Variants in CDH17 observed in about 807,000 individuals in gnomAD.
The protein encoded by CDH17 is cadherin 17.
Under a neutral mutation model 86.3 loss-of-function variants are expected in CDH17, and 67 were observed. That is an observed-to-expected ratio of 0.78 (90% confidence interval 0.64 to 0.95). The LOEUF (loss-of-function observed/expected upper bound fraction) is 0.95, where lower values mean the gene tolerates loss of function less well. CDH17 is among the 40% of genes least tolerant of loss of function. The pLI is 0.00. For synonymous variants in CDH17, 367 were observed against 366.4 expected (o/e 1.00, Z -0.02); for missense variants, 993 against 1,017.6 (o/e 0.98, Z 0.33).
At position 94,145,850 on chromosome 8, in the gene CDH17, C is replaced by T. The variant is rs540692771; in HGVS notation, c.2167+78G>A. 497 of 1,484,656 alleles carry T rather than the reference C, an allele frequency of 3.3e-4. 1 individual carries two copies. The highest frequency in any genetic ancestry group is 7.0e-4 in the East Asian group (31 of 44,188). The allele number at this position is 1,484,656 out of a possible 1,614,324, so 92.0% of individuals were successfully genotyped here. A position where few individuals can be genotyped will look rare whatever the true frequency, so the allele number is the denominator to read the frequency against. On this transcript the variant is annotated intron_variant, in intron 15 of 17. Transcript: ENST00000027335. ...ATGAAAGAAAGCTCTTTGCTGAGTA[C>T]AGCAAACCCACCAAGTTAAATAAAA...
At chr8:94,137,954 T>G (rs1354468592) in intron 15 of CDH17, among the ~76,000 whole-genome samples, 2 of 152,186 alleles carry the variant, frequency 1.3e-5, no homozygotes, top group Non-Finnish European at 2.9e-5. Context: ...GTTTCAAATC[T>G]GCTGCTTGTT....
At chr8:94,144,793 T>C (rs970601637) in intron 15 of CDH17, among the ~76,000 whole-genome samples, 1 of 152,178 alleles carries the variant, frequency 6.6e-6, no homozygotes, top group African/African-American at 2.4e-5. Context: ...TCTATGTATA[T>C]TAAAAATGCT....
intron 1 of CDH17, chr8:94,201,818 T>C (rs1469913854): frequency 6.5e-6 from 1 of 153,500 alleles, no homozygotes; most frequent in Non-Finnish European, 1.4e-5. Context: ...ACCCAAGGCT[T>C]CCTTGATTCT....
In CDH17 at chr8:94,156,347, A is replaced by G. The variant is rs76698899; in HGVS notation, c.1551+3624T>C. ...AAAATAGCTAGTGAACTGAGAATTCAAAAGGATCAGCCATAGTAGAGAAGT... is the reference window on the plus strand; with the variant it reads ...AAAATAGCTAGTGAACTGAGAATTCGAAAGGATCAGCCATAGTAGAGAAGT... On this transcript the variant is annotated intron_variant, in intron 12 of 17. Transcript: ENST00000027335. Among the ~76,000 whole-genome samples, 904 of 152,244 alleles carry G rather than the reference A, an allele frequency of 5.9e-3. 11 individuals carry two copies. Among genetic ancestry groups the G allele is most frequent in the African/African-American group, 0.02 (834 of 41,476 alleles).
chr8:94,209,907 TTTTAAA>T (rs1317656932), upstream of CDH17, among the ~76,000 whole-genome samples: 2 of 140,032 alleles, frequency 1.4e-5, no homozygotes, highest in East Asian at 4.0e-4. Context: ...AATAAAGTGC[TTTTAAA>T]TTTATGAGTT....
intron 7 of CDH17, among the ~76,000 whole-genome samples, chr8:94,173,472 T>C (rs1813307148): frequency 6.6e-6 from 1 of 152,154 alleles, no homozygotes. Flanking sequence ...CCCAAGGCCC[T>C]CAACAGAAGC....
intron 15 of CDH17, among the ~76,000 whole-genome samples, chr8:94,136,406 TAC>T (rs1563564509): frequency 6.6e-6 from 1 of 152,196 alleles, no homozygotes; most frequent in Non-Finnish European, 1.5e-5. Context: ...CAATCACTGA[TAC>T]ACTTTCTTCC....
chr8:94,153,510 G>A (rs1418426038), intron 12 of CDH17, among the ~76,000 whole-genome samples: 1 of 152,110 alleles, frequency 6.6e-6, no homozygotes, highest in East Asian at 1.9e-4. Flanking sequence ...CCACTACTGG[G>A]TATATAAAGT....
chr8:94,210,040 A>G (rs556299638), upstream of CDH17, among the ~76,000 whole-genome samples: 2 of 151,916 alleles, frequency 1.3e-5, no homozygotes, highest in African/African-American at 4.8e-5. Context: ...CTCATTTAGC[A>G]TGTCTGCAAA....
chr8:94,131,529 A>G (rs1215446037), intron 15 of CDH17, among the ~76,000 whole-genome samples: 1 of 152,164 alleles, frequency 6.6e-6, no homozygotes, highest in African/African-American at 2.4e-5. Context: ...AGTTTTGGAC[A>G]TTACTTTTAA....
At chr8:94,156,826 A>G (rs998620303) in intron 12 of CDH17, among the ~76,000 whole-genome samples, 3 of 152,216 alleles carry the variant, frequency 2.0e-5, no homozygotes, top group African/African-American at 7.2e-5. Flanking sequence ...TAGGAACTAT[A>G]CACATACTTT....
intron 9 of CDH17, among the ~76,000 whole-genome samples, chr8:94,168,027 T>A (rs1046632114): frequency 1.4e-5 from 2 of 141,536 alleles, no homozygotes; most frequent in African/African-American, 2.6e-5. Flanking sequence ...AGAATAAATG[T>A]TAGTGTTGCT....
chr8:94,186,336 C>T (rs749365170), intron 3 of CDH17, among the ~76,000 whole-genome samples: 18 of 152,192 alleles, frequency 1.2e-4, no homozygotes, highest in Non-Finnish European at 1.9e-4. Context: ...TTTCTGTTCC[C>T]TCATCCCCTG....
intron 12 of CDH17, among the ~76,000 whole-genome samples, chr8:94,154,578 T>C (rs1812912693): frequency 6.6e-6 from 1 of 152,028 alleles, no homozygotes; most frequent in African/African-American, 2.4e-5. Flanking sequence ...GAAACCAATT[T>C]TGGTTTAATA....
At position 94,128,254 on chromosome 8, in the gene CDH17, G is replaced by A; in HGVS notation, c.2485C>T (p.Pro829Ser). ...VESAQASEVK[P>S]LRS is the part of the protein sequence containing the mutation. ...CCTTTTCAAATTCAGCTTCTCAGAGGTTTGACTTCAGATGCTTGAGCACTT... is the reference window on the plus strand; with the variant it reads ...CCTTTTCAAATTCAGCTTCTCAGAGATTTGACTTCAGATGCTTGAGCACTT... The change falls in exon 18 of 18, where the codon CCT becomes TCT. Residue 829 changes from proline (P) to serine (S), a missense_variant. Transcript: ENST00000027335. 1.9e-6 allele frequency: 3 copies of A among 1,610,766 alleles called. No individual in the cohort carries two copies. Among genetic ancestry groups the A allele is most frequent in the East Asian group, 4.5e-5 (2 of 44,846 alleles).
At position 94,170,879 on chromosome 8, in the gene CDH17, G is replaced by A. The variant is rs749074422; in HGVS notation, c.890C>T (p.Pro297Leu). The A allele has an allele frequency of 4.3e-6, 7 of 1,613,560 alleles. No individual in the cohort carries two copies. Among genetic ancestry groups the A allele is most frequent in the Non-Finnish European group, 5.9e-6 (7 of 1,179,792 alleles). ...DQEGDIYVTQ[P>L]LDREEKDAYV... ...TGCATCCTTTTCTTCTCGGTCCAAG[G>A]GCTGAGTCACGTAAATATCTCCTTC... Residue 297 changes from proline (P) to leucine (L), a missense_variant, in exon 8 of 18, where the codon CCC becomes CTC. Transcript: ENST00000027335.
intron 9 of CDH17, among the ~76,000 whole-genome samples, chr8:94,168,578 G>A (rs141356677): frequency 0.019 from 2,888 of 152,158 alleles, 96 homozygotes; most frequent in Admixed American, 0.085. Context: ...TATAGAATAT[G>A]CTCAGTTGAT....
chr8:94,143,472 C>T (rs1443651197), intron 15 of CDH17, among the ~76,000 whole-genome samples: 2 of 152,160 alleles, frequency 1.3e-5, no homozygotes. Context: ...AACTTAAAGT[C>T]ACCAGCTGCA....
intron 12 of CDH17, 101 bp downstream of exon 12, chr8:94,159,870 T>A: frequency 1.3e-6 from 1 of 797,274 alleles, no homozygotes; most frequent in Non-Finnish European, 1.9e-6. Context: ...GCCTGAGAGA[T>A]GGCTGCTAAT....
Sources: gnomAD v4.1 joint callset for allele counts (sites outside exome capture counted in the v4.1 genomes callset) on GRCh38, gnomAD v4.1.1 for gene constraint, MANE v1.5 for transcripts, NCBI Gene and HGNC (gene_info 2026-07-23, HGNC 2026-07-21) for gene names.